The following QRSL1 variants were observed in gnomAD, a reference collection of about 807,000 sequenced individuals.
The protein encoded by QRSL1 is glutaminyl-tRNA amidotransferase subunit QRSL1.
Under a neutral mutation model 61.6 loss-of-function variants are expected in QRSL1, and 54 were observed. The observed-to-expected ratio is 0.88, with a 90% CI of 0.70 to 1.10. The LOEUF (loss-of-function observed/expected upper bound fraction) is 1.10, where lower values mean the gene tolerates loss of function less well. QRSL1 is among the 50% of genes least tolerant of loss of function. QRSL1 has a pLI of 0.00. For missense variants in QRSL1, 505 were observed against 622.6 expected (o/e 0.81, Z 2.01); for synonymous variants, 228 against 225.7 (o/e 1.01, Z -0.09).
intron 1 of QRSL1, among the ~76,000 whole-genome samples, chr6:106,638,407 C>T (rs1032142279): frequency 1.3e-5 from 2 of 152,074 alleles, no homozygotes; most frequent in East Asian, 1.9e-4. Context: ...CGGGTTCAAG[C>T]GATTCTTCTG....
chr6:106,659,495 CTG>C (rs1331325260), intron 9 of QRSL1, among the ~76,000 whole-genome samples: 2 of 151,674 alleles, frequency 1.3e-5, no homozygotes, highest in East Asian at 3.9e-4. Context: ...TTTATAGTAA[CTG>C]TTTTAATGTT....
chr6:106,645,936 C>T (rs1459741311), intron 4 of QRSL1, among the ~76,000 whole-genome samples: 1 of 152,144 alleles, frequency 6.6e-6, no homozygotes, highest in African/African-American at 2.4e-5. Context: ...ATTTCTTCTT[C>T]TTGCCTTACT....
intron 4 of QRSL1, among the ~76,000 whole-genome samples, chr6:106,645,647 T>C (rs1016820620): frequency 6.6e-6 from 1 of 152,204 alleles, no homozygotes; most frequent in African/African-American, 2.4e-5. Flanking sequence ...GGTCTCAAAC[T>C]CCTGACCTTG....
chr6:106,643,700 T>A (rs1025162197), intron 4 of QRSL1, among the ~76,000 whole-genome samples: 7 of 151,910 alleles, frequency 4.6e-5, no homozygotes, highest in African/African-American at 1.2e-4. Flanking sequence ...AAAAAAGAAT[T>A]CTTTCATATA....
intron 1 of QRSL1, among the ~76,000 whole-genome samples, chr6:106,639,416 G>A (rs1331622033): frequency 1.3e-5 from 2 of 152,082 alleles, no homozygotes; most frequent in Non-Finnish European, 2.9e-5. Flanking sequence ...GAGCCACTGC[G>A]CCCGGCCAGT....
rs368149539 is a variant in QRSL1 at position 106,666,192 on chromosome 6, G to C, written c.*190G>C. ...CCAGGCTTAGTGGCGGGCATCTGTA[G>C]TCCCAGCTACTCAGGAGGCTGAGGC... On this transcript the variant is annotated 3_prime_UTR_variant, in exon 11 of 11. Coordinates refer to ENST00000369046, the MANE Select transcript of QRSL1 (RefSeq NM_018292.5). The C allele has an allele frequency of 3.1e-5, 17 of 556,582 alleles. No individual in the cohort carries two copies. The highest frequency in any genetic ancestry group is 4.8e-5 in the Non-Finnish European group (15 of 313,766). The allele number at this position is 556,582 out of a possible 1,614,324, so 34.5% of individuals were successfully genotyped here.
Position 106,667,108 on chromosome 6 carries a change from A to G in QRSL1, c.*1106A>G, listed in dbSNP as rs1220040450. On this transcript the variant is annotated 3_prime_UTR_variant, in exon 11 of 11. Coordinates refer to ENST00000369046, the MANE Select transcript of QRSL1 (RefSeq NM_018292.5). ...ATTGTAACCTAACAGACCATCACAG[A>G]TTGGAAACTTGGTAGATAGCAGAGC... 1 of 152,206 alleles carries G rather than the reference A, an allele frequency of 6.6e-6. No homozygotes were observed. The highest frequency in any genetic ancestry group is 1.9e-4 in the East Asian group (1 of 5,204). The allele number at this position is 152,206 out of a possible 1,614,324, so 9.4% of individuals were successfully genotyped here. A position where few individuals can be genotyped will look rare whatever the true frequency, so the allele number is the denominator to read the frequency against.
intron 1 of QRSL1, among the ~76,000 whole-genome samples, chr6:106,633,411 A>G (rs939793943): frequency 6.6e-6 from 1 of 152,322 alleles, no homozygotes; most frequent in East Asian, 1.9e-4. Context: ...TAACAGTTCA[A>G]ATTTCTTCAT....
intron 5 of QRSL1, among the ~76,000 whole-genome samples, chr6:106,650,102 G>A (rs1226241966): frequency 6.6e-6 from 1 of 151,834 alleles, no homozygotes; most frequent in Non-Finnish European, 1.5e-5. Context: ...AAATTTTATA[G>A]CATTGCATTA....
chr6:106,655,385 G>A (rs549961555), intron 8 of QRSL1, among the ~76,000 whole-genome samples: 18 of 151,904 alleles, frequency 1.2e-4, no homozygotes, highest in East Asian at 1.9e-4. Flanking sequence ...GCATGGTGGC[G>A]CATACCTGTA....
At chr6:106,636,475 C>T (rs1266275468) in intron 1 of QRSL1, among the ~76,000 whole-genome samples, 1 of 152,120 alleles carries the variant, frequency 6.6e-6, no homozygotes, top group Non-Finnish European at 1.5e-5. Flanking sequence ...TGCACGCCAC[C>T]ACGCCCAGCT....
chr6:106,641,990 A>T (rs987057205), intron 3 of QRSL1, among the ~76,000 whole-genome samples: 7 of 152,236 alleles, frequency 4.6e-5, no homozygotes, highest in Non-Finnish European at 1.0e-4. Flanking sequence ...TTAAATTAGG[A>T]ATAATTAATA....
At chr6:106,637,737 T>G (rs2114700095) in intron 1 of QRSL1, among the ~76,000 whole-genome samples, 1 of 152,314 alleles carries the variant, frequency 6.6e-6, no homozygotes, top group East Asian at 1.9e-4. Context: ...TAACGAAAAC[T>G]TAAAAGTTAA....
intron 10 of QRSL1, among the ~76,000 whole-genome samples, chr6:106,664,896 T>C (rs912457882): frequency 3.3e-5 from 5 of 152,220 alleles, no homozygotes; most frequent in Non-Finnish European, 5.9e-5. Flanking sequence ...AACCCAGTTT[T>C]AGCATTCATT....
At chr6:106,652,991 C>G (rs1355786301) in intron 7 of QRSL1, 2 of 388,660 alleles carry the variant, frequency 5.1e-6, no homozygotes, top group African/African-American at 4.1e-5. Flanking sequence ...AACCAGCTGG[C>G]TTGTCACATC....
In QRSL1 at chr6:106,652,527, C is replaced by G; in HGVS notation, c.794C>G (p.Pro265Arg). The change falls in exon 7 of 11, where the codon CCA (proline) becomes CGA (arginine). Residue 265 changes from proline (P) to arginine (R), a missense_variant. Physicochemically the swap from Pro to Arg is moderately radical, Grantham distance 103. Coordinates refer to ENST00000369046, the MANE Select transcript of QRSL1 (RefSeq NM_018292.5). ...ACAGTACATGAACCTATTAATAAAC[C>G]ATTCATGCTTCCCAGTTTGGCAGAT... ...STTVHEPINKPFMLPSLADVS... is the reference protein window; with the variant it reads ...STTVHEPINKRFMLPSLADVS... The G allele has an allele frequency of 6.2e-7, 1 of 1,614,172 alleles. No individual in the cohort carries two copies. The highest frequency in any genetic ancestry group is 1.1e-5 in the South Asian group (1 of 91,086).
At chr6:106,639,149 CAGAGTCTGGCTCTGTCA>C in intron 1 of QRSL1, among the ~76,000 whole-genome samples, 1 of 70,132 alleles carries the variant, frequency 1.4e-5, no homozygotes, top group South Asian at 4.1e-4. Flanking sequence ...TTTTTTTTGA[CAGAGTCTGGCTCTGTCA>C]CCAGGCTGGA....
intron 9 of QRSL1, among the ~76,000 whole-genome samples, chr6:106,662,503 T>C (rs921155496): frequency 6.6e-6 from 1 of 151,882 alleles, no homozygotes; most frequent in Non-Finnish European, 1.5e-5. Context: ...TTTTTTTTTT[T>C]TCCCTAAACA....
intron 9 of QRSL1, among the ~76,000 whole-genome samples, chr6:106,657,666 C>T (rs1229446771): frequency 2.0e-5 from 3 of 152,110 alleles, no homozygotes; most frequent in African/African-American, 2.4e-5. Flanking sequence ...ATTCGGAATA[C>T]TTTTTTTATT....
Sources: gnomAD v4.1 joint callset for allele counts (sites outside exome capture counted in the v4.1 genomes callset) on GRCh38, gnomAD v4.1.1 for gene constraint, MANE v1.5 for transcripts, NCBI Gene and HGNC (gene_info 2026-07-23, HGNC 2026-07-21) for gene names.